Variants in SFI1 observed in about 807,000 individuals in gnomAD.
The protein encoded by SFI1 is SFI1 centrin binding protein.
Under a neutral mutation model 207.5 loss-of-function variants are expected in SFI1, and 195 were observed. The observed-to-expected ratio is 0.94, with a 90% CI of 0.84 to 1.06. The LOEUF is 1.06. Among genes scored for constraint, SFI1 ranks in the 50% least tolerant of loss-of-function variants. The probability of loss-of-function intolerance (pLI) is 0.00; values close to 1 mark genes in which losing one functional copy is unlikely to be tolerated. For missense variants in SFI1, 1,634 were observed against 1,588.0 expected, an observed-to-expected ratio of 1.03 and a Z score of -0.49; for synonymous variants, 630 against 598.9, an observed-to-expected ratio of 1.05 and a Z score of -0.76.
chr22:31,507,931 T>C (rs936152131), intron 1 of SFI1, among the ~76,000 whole-genome samples: 2 of 151,656 alleles, frequency 1.3e-5, no homozygotes, highest in Admixed American at 6.6e-5. Flanking sequence ...CAAAAATTAG[T>C]TGGGTGTGGT....
rs762045185 is a variant in SFI1, at chr22:31,614,846, T to G, written c.3054T>G (p.Pro1018=). The G allele has an allele frequency of 8.7e-6, 14 of 1,613,780 alleles. No homozygotes were observed. In the South Asian group the frequency reaches 1.5e-4, roughly 18 times the overall value. ...QPRRPHFLLE[P]AQSQRPQKPQ... ...GACGCCCACACTTCCTGTTGGAGCCTGCGCAGAGCCAGAGGTCCCTGGGGT... is the reference window on the plus strand; with the variant it reads ...GACGCCCACACTTCCTGTTGGAGCCGGCGCAGAGCCAGAGGTCCCTGGGGT... Residue 1018 remains proline, a synonymous_variant, in exon 28 of 33, where the codon CCT becomes CCG. Coordinates refer to ENST00000400288, the MANE Select transcript of SFI1 (RefSeq NM_001007467.3).
intron 12 of SFI1, among the ~76,000 whole-genome samples, chr22:31,581,528 G>A (rs879866708): frequency 1.3e-5 from 2 of 152,014 alleles, no homozygotes; most frequent in Admixed American, 1.3e-4. Context: ...CTGGCCTCAA[G>A]CAATCCACCT....
At position 31,616,970 on chromosome 22, in the gene SFI1, T is replaced by A. The variant is rs372593267; in HGVS notation, c.3434-30T>A. ...ACCCTGGTCCCCGAGGGGAAAATAG[T>A]CTGAAACAAGCTTACTTCTGTCGCC... On this transcript the variant is annotated intron_variant, in intron 30 of 32. Coordinates refer to ENST00000400288, the MANE Select transcript of SFI1 (RefSeq NM_001007467.3). 5.0e-6 allele frequency: 8 copies of A among 1,613,850 alleles called. No individual in the cohort carries two copies. In the East Asian group the frequency reaches 1.6e-4, roughly 31 times the overall value.
At chr22:31,497,758 CTT>C (rs2052963575) in intron 1 of SFI1, among the ~76,000 whole-genome samples, 1 of 152,142 alleles carries the variant, frequency 6.6e-6, no homozygotes, top group African/African-American at 2.4e-5. Flanking sequence ...TACTGAATGT[CTT>C]TACATCATAT....
Position 31,613,174 on chromosome 22 carries a change from A to G in SFI1, c.2523A>G (p.Thr841=), listed in dbSNP as rs375436372. The change falls in exon 25 of 33, where the codon ACA becomes ACG. Residue 841 remains threonine, a synonymous_variant. Coordinates refer to ENST00000400288, the MANE Select transcript of SFI1 (RefSeq NM_001007467.3). Reference sequence around the variant, plus strand: ...CCAGGAGGCAGGAGCAGCGGGCGACAGTGCGGGCCCTGTGGTTCTGGGCCT... The same window carrying G: ...CCAGGAGGCAGGAGCAGCGGGCGACGGTGCGGGCCCTGTGGTTCTGGGCCT... ...LAARRQEQRA[T]VRALWFWAFS... 2 of 1,613,824 alleles carry G rather than the reference A, an allele frequency of 1.2e-6. No homozygotes were observed. The highest frequency in any genetic ancestry group is 1.7e-6 in the Non-Finnish European group (2 of 1,180,014).
chr22:31,580,347 C>T lies in SFI1; in HGVS notation c.1231C>T (p.Gln411Ter), dbSNP rs774722491. 64 of 1,613,772 alleles carry T rather than the reference C, an allele frequency of 4.0e-5. 1 individual carries two copies. The highest frequency in any genetic ancestry group is 3.6e-5 in the Non-Finnish European group (43 of 1,179,786). The change falls in exon 12 of 33, where the codon CAG becomes TAG. Residue 411 changes from glutamine (Q) to a stop codon, truncating the protein, a stop_gained. Coordinates refer to ENST00000400288, the MANE Select transcript of SFI1 (RefSeq NM_001007467.3). LOFTEE classifies it high-confidence loss of function. The stretch of plus-strand genomic sequence containing the variant: ...GCAAATAAGAAGGAATCTTGCTCAC[C>T]AGCAGCATGGTGTCACGGTGAGGGT... ...LQQIRRNLAH[Q>*]QHGVTLLHRF...
In SFI1 at chr22:31,528,737, T is replaced by C. The variant is rs2058179705; in HGVS notation, c.140T>C (p.Leu47Pro). The C allele has an allele frequency of 6.2e-7, 1 of 1,614,228 alleles. No individual in the cohort carries two copies. Among genetic ancestry groups the C allele is most frequent in the Non-Finnish European group, 8.5e-7 (1 of 1,180,036 alleles). The change falls in exon 3 of 33, where the codon CTG (leucine) becomes CCG (proline). Residue 47 changes from leucine to proline, a missense_variant. Coordinates refer to ENST00000400288, the MANE Select transcript of SFI1 (RefSeq NM_001007467.3). ...AVKKPYSAKTLSNKKSSASFG... is the reference protein window; with the variant it reads ...AVKKPYSAKTPSNKKSSASFG... The stretch of plus-strand genomic sequence containing the variant: ...AAGAAACCTTATTCTGCAAAGACAC[T>C]GTCCAACAAGAAGTCTTCTGCATCC...
chr22:31,569,395 C>G (rs1174401444), intron 8 of SFI1, among the ~76,000 whole-genome samples: 2 of 152,090 alleles, frequency 1.3e-5, no homozygotes, highest in African/African-American at 4.8e-5. Flanking sequence ...AAAAATTGAA[C>G]ATGACTCCAA....
intron 23 of SFI1, 75 bp downstream of exon 23, chr22:31,611,378 A>G (rs913934235): frequency 1.4e-6 from 2 of 1,474,932 alleles, no homozygotes; most frequent in Non-Finnish European, 1.8e-6. Context: ...ACCATTTCTC[A>G]GGAAGGGGTC....
chr22:31,603,659 G>C (rs1209800704), intron 17 of SFI1, 85 bp from the exon 18 acceptor site: 2 of 1,169,168 alleles, frequency 1.7e-6, no homozygotes, highest in South Asian at 2.1e-5. Context: ...TAACCAGGTA[G>C]GGCTATGGAC....
At chr22:31,592,396 C>T (rs1472806799) in intron 15 of SFI1, among the ~76,000 whole-genome samples, 179 of 74,224 alleles carry the variant, frequency 2.4e-3, no homozygotes, top group African/African-American at 0.012. Flanking sequence ...GGCGGCTGGC[C>T]GGGCAGGGGG....
intron 14 of SFI1, among the ~76,000 whole-genome samples, chr22:31,588,705 CG>C (rs1471876463): frequency 6.6e-6 from 1 of 151,606 alleles, no homozygotes; most frequent in African/African-American, 2.4e-5. Flanking sequence ...CCCAGCTACT[CG>C]GGAGGCTGAG....
chr22:31,566,765 CAT>C (rs2062357307), intron 8 of SFI1, among the ~76,000 whole-genome samples: 1 of 152,182 alleles, frequency 6.6e-6, no homozygotes, highest in South Asian at 2.1e-4. Flanking sequence ...TCCTACTTGA[CAT>C]ATAGTTCTCA....
At chr22:31,578,486 G>C in intron 11 of SFI1, 34 bp downstream of exon 11, 1 of 1,598,856 alleles carries the variant, frequency 6.3e-7, no homozygotes, top group Non-Finnish European at 8.5e-7. Context: ...GGGTCCGCTT[G>C]GCAGCCTTGC....
rs1414446443 is a variant in SFI1 at position 31,508,298 on chromosome 22, T to G, written c.14T>G (p.Leu5Arg). MKNL[L>R]TEKCISSHNF... ...AGACTTTGATTCATGAAGAATCTGC[T>G]CACTGAGAAGTGTATATCAAGCCAC... Residue 5 changes from leucine (L) to arginine (R), a missense_variant, in exon 2 of 33, where the codon CTC becomes CGC. Coordinates refer to ENST00000400288, the MANE Select transcript of SFI1 (RefSeq NM_001007467.3). 6.2e-7 allele frequency: 1 copy of G among 1,611,380 alleles called. No individual in the cohort carries two copies. The highest frequency in any genetic ancestry group is 1.7e-5 in the Admixed American group (1 of 59,946).
intron 24 of SFI1, chr22:31,612,398 A>AATATATATATATATATATAT (rs57948429): frequency 3.3e-5 from 2 of 60,202 alleles, no homozygotes; most frequent in African/African-American, 1.3e-4. Context: ...AAAAAAAAAA[A>AATATATATATATATATATAT]ATATATATAT....
chr22:31,531,589 GTC>G (rs2058531199), intron 4 of SFI1, among the ~76,000 whole-genome samples: 1 of 151,690 alleles, frequency 6.6e-6, no homozygotes, highest in East Asian at 1.9e-4. Flanking sequence ...GTGAAACCCC[GTC>G]TCTACAAAAA....
At chr22:31,548,367 C>T (rs1486475965) in intron 5 of SFI1, among the ~76,000 whole-genome samples, 2 of 151,612 alleles carry the variant, frequency 1.3e-5, no homozygotes, top group Non-Finnish European at 1.5e-5. Flanking sequence ...GTTAGGAGTT[C>T]CAGACCAGCC....
In SFI1 at chr22:31,616,736, C is replaced by A; in HGVS notation, c.3301-9C>A. The A allele has an allele frequency of 6.5e-7, 1 of 1,532,120 alleles. No individual in the cohort carries two copies. The highest frequency in any genetic ancestry group is 8.7e-7 in the Non-Finnish European group (1 of 1,143,426). 94.9% of individuals were successfully genotyped at this position (1,532,120 alleles called of 1,614,324 possible). On this transcript the variant is annotated splice_polypyrimidine_tract_variant and intron_variant, in intron 29 of 32. Transcript: ENST00000400288. Reference sequence around the variant, plus strand: ...CCTTGCTCAGCATCTACCCTTCTTTCCTTTGCAGGTGTCAGCACAGCGGGC... The same window carrying A: ...CCTTGCTCAGCATCTACCCTTCTTTACTTTGCAGGTGTCAGCACAGCGGGC...
Sources: allele counts gnomAD v4.1 joint callset (sites outside exome capture counted in the v4.1 genomes callset), GRCh38; gene constraint gnomAD v4.1.1; transcripts MANE v1.5; gene names NCBI Gene and HGNC (gene_info 2026-07-23, HGNC 2026-07-21).